Variants in DCDC2 observed in about 807,000 individuals in gnomAD.
The protein encoded by DCDC2 is doublecortin domain-containing protein 2.
In DCDC2, 40 loss-of-function variants were observed where a neutral mutation model predicts 50.2. The observed-to-expected ratio is 0.80, with a 90% CI of 0.62 to 1.04. The LOEUF (loss-of-function observed/expected upper bound fraction) is 1.04, where lower values mean the gene tolerates loss of function less well. Ranked by LOEUF, DCDC2 falls within the 50% of genes least tolerant of loss-of-function variation. The probability of loss-of-function intolerance (pLI) is 0.00; values close to 1 mark genes in which losing one functional copy is unlikely to be tolerated. For missense variants in DCDC2, 570 were observed against 581.9 expected (o/e 0.98, Z 0.21); for synonymous variants, 234 against 210.6 (o/e 1.11, Z -0.96).
At chr6:24,258,585 C>T (rs190098100) in intron 7 of DCDC2, among the ~76,000 whole-genome samples, 14 of 152,202 alleles carry the variant, frequency 9.2e-5, no homozygotes, top group Admixed American at 3.9e-4. Context: ...TTCACCTCTC[C>T]GTAGCACCAC....
At position 24,217,538 on chromosome 6, in the gene DCDC2, G is replaced by A. The variant is rs1189405417; in HGVS notation, c.923-12436C>T. On this transcript the variant is annotated intron_variant, in intron 7 of 9. Transcript: ENST00000378454. ...AGGTAAAGTGGTTTACGGTGTAAATGTGCAAATCAGTGCAAATCAGTCATC... is the reference window on the plus strand; with the variant it reads ...AGGTAAAGTGGTTTACGGTGTAAATATGCAAATCAGTGCAAATCAGTCATC... 2.0e-5 allele frequency among the ~76,000 whole-genome samples: 3 copies of A among 152,110 alleles called. No individual in the cohort carries two copies. The East Asian group carries it at 5.8e-4, about 29-fold the overall frequency.
intron 7 of DCDC2, among the ~76,000 whole-genome samples, chr6:24,210,217 C>T (rs1250759954): frequency 1.3e-5 from 2 of 152,152 alleles, no homozygotes; most frequent in Non-Finnish European, 2.9e-5. Context: ...TCTATCTACA[C>T]ACTTTCTAGA....
At chr6:24,359,214 T>TTATATATTATATATTA (rs1189336335), upstream of DCDC2, among the ~76,000 whole-genome samples, 1 of 59,724 alleles carries the variant, frequency 1.7e-5, no homozygotes, top group Non-Finnish European at 2.7e-5. Flanking sequence ...ATTTTATATA[T>TTATATATTATATATTA]TATATATTTT....
intron 7 of DCDC2, among the ~76,000 whole-genome samples, chr6:24,251,865 A>G (rs1412446280): frequency 6.6e-6 from 1 of 152,210 alleles, no homozygotes; most frequent in African/African-American, 2.4e-5. Context: ...TACAACCATC[A>G]GATAATTTTC....
At chr6:24,292,799 G>A (rs888112292) in intron 4 of DCDC2, among the ~76,000 whole-genome samples, 1 of 152,190 alleles carries the variant, frequency 6.6e-6, no homozygotes, top group African/African-American at 2.4e-5. Flanking sequence ...CCTGTACATT[G>A]TAAGATGTTT....
intron 7 of DCDC2, among the ~76,000 whole-genome samples, chr6:24,236,251 C>A (rs796940951): frequency 3.9e-5 from 6 of 152,250 alleles, no homozygotes; most frequent in African/African-American, 1.4e-4. Flanking sequence ...ACCAATGGAA[C>A]AGATAGAGAA....
the DCDC2 span, among the ~76,000 whole-genome samples, chr6:24,375,489 G>A: frequency 3.3e-5 from 5 of 151,944 alleles, no homozygotes; most frequent in East Asian, 3.9e-4. Context: ...TAGGAGATAC[G>A]TATATATATA....
chr6:24,175,051 T>G (rs985236369), intron 9 of DCDC2, among the ~76,000 whole-genome samples: 7 of 152,132 alleles, frequency 4.6e-5, no homozygotes, highest in Non-Finnish European at 8.8e-5. Context: ...GTTCATAATC[T>G]ACTAGTGCTT....
At chr6:24,365,819 T>C in the DCDC2 span, 5 of 152,178 alleles carry the variant, frequency 3.3e-5, no homozygotes, top group African/African-American at 1.2e-4. Flanking sequence ...TTTTTGTTGT[T>C]GTTGTTGTTG....
rs1246798231 is a variant in DCDC2, at chr6:24,238,444, A to G, written c.923-33342T>C. Among the ~76,000 whole-genome samples, 7 of 151,450 alleles carry G rather than the reference A, an allele frequency of 4.6e-5. No individual in the cohort carries two copies. In the East Asian group the frequency reaches 1.4e-3, roughly 30 times the overall value. ...CTCCCAAGTAGCTATAATTACAGGTATGCACCACCATGCCCAGCTAATTTG... is the reference window on the plus strand; with the variant it reads ...CTCCCAAGTAGCTATAATTACAGGTGTGCACCACCATGCCCAGCTAATTTG... On this transcript the variant is annotated intron_variant, in intron 7 of 9. Transcript: ENST00000378454.
At chr6:24,286,610 C>T (rs1040880358) in intron 6 of DCDC2, among the ~76,000 whole-genome samples, 8 of 150,306 alleles carry the variant, frequency 5.3e-5, no homozygotes, top group Admixed American at 4.0e-4. Flanking sequence ...AAAAAAAAAC[C>T]ACCTGCAACT....
chr6:24,300,868 T>C (rs532171277), intron 4 of DCDC2, among the ~76,000 whole-genome samples: 4 of 152,318 alleles, frequency 2.6e-5, no homozygotes, highest in Non-Finnish European at 4.4e-5. Context: ...AATTTAAATC[T>C]ATGATGTTAA....
chr6:24,236,960 G>A (rs1239251519), intron 7 of DCDC2, among the ~76,000 whole-genome samples: 3 of 151,594 alleles, frequency 2.0e-5, no homozygotes, highest in South Asian at 2.1e-4. Flanking sequence ...AGTGAGCCAA[G>A]ATTGCACAAT....
intron 2 of DCDC2, among the ~76,000 whole-genome samples, chr6:24,312,110 C>T (rs1379776189): frequency 6.6e-6 from 1 of 152,056 alleles, no homozygotes; most frequent in Non-Finnish European, 1.5e-5. Flanking sequence ...AGCTCCCCAC[C>T]GAGCACCTTG....
intron 7 of DCDC2, among the ~76,000 whole-genome samples, chr6:24,256,021 G>T (rs376054551): frequency 6.6e-6 from 1 of 152,082 alleles, no homozygotes; most frequent in East Asian, 1.9e-4. Flanking sequence ...CACAAAGTAG[G>T]ATACAGTCAT....
At chr6:24,309,480 C>CA in intron 2 of DCDC2, among the ~76,000 whole-genome samples, 1 of 152,070 alleles carries the variant, frequency 6.6e-6, no homozygotes, top group East Asian at 1.9e-4. Flanking sequence ...ACAGAACTGG[C>CA]ATAATATTAT....
At chr6:24,195,783 C>G (rs1212749727) in intron 8 of DCDC2, among the ~76,000 whole-genome samples, 1 of 152,202 alleles carries the variant, frequency 6.6e-6, no homozygotes. Flanking sequence ...ACATCACTCT[C>G]TCTGTCTTCC....
intron 2 of DCDC2, among the ~76,000 whole-genome samples, chr6:24,340,847 T>A (rs1760141310): frequency 6.6e-6 from 1 of 152,294 alleles, no homozygotes; most frequent in South Asian, 2.1e-4. Flanking sequence ...TACCTCAGCC[T>A]CCCGAGTAGC....
At chr6:24,265,792 C>A (rs1763106317) in intron 7 of DCDC2, among the ~76,000 whole-genome samples, 1 of 150,592 alleles carries the variant, frequency 6.6e-6, no homozygotes, top group African/African-American at 2.4e-5. Flanking sequence ...ATGTAAGTGC[C>A]TACATCAAAA....
Sources: allele counts gnomAD v4.1 joint callset (sites outside exome capture counted in the v4.1 genomes callset), GRCh38; gene constraint gnomAD v4.1.1; transcripts MANE v1.5; gene names NCBI Gene and HGNC (gene_info 2026-07-23, HGNC 2026-07-21).